CCSER1: variants seen among roughly 807,000 people sequenced by gnomAD.
CCSER1 encodes the protein serine-rich coiled-coil domain-containing protein 1.
Under a neutral mutation model 82.0 loss-of-function variants are expected in CCSER1, and 41 were observed. The ratio of observed to expected loss-of-function variants is 0.50; its 90% confidence interval spans 0.39 to 0.65. CCSER1 has a LOEUF of 0.65. CCSER1 is among the 30% of genes least tolerant of loss of function. The pLI, the probability that CCSER1 is intolerant of heterozygous loss-of-function variation, is 0.00. For missense variants in CCSER1, 1,119 were observed against 1,064.2 expected (o/e 1.05, Z -0.72); for synonymous variants, 414 against 383.9 (o/e 1.08, Z -0.92).
intron 5 of CCSER1, among the ~76,000 whole-genome samples, chr4:90,575,476 C>T (rs528747246): frequency 6.6e-6 from 1 of 152,342 alleles, no homozygotes; most frequent in African/African-American, 2.4e-5. Context: ...GGTCCCACTT[C>T]TCACACTGTT....
intron 10 of CCSER1, among the ~76,000 whole-genome samples, chr4:91,551,197 C>T (rs1424848800): frequency 6.6e-6 from 1 of 151,824 alleles, no homozygotes; most frequent in Non-Finnish European, 1.5e-5. Context: ...TCTTCAAATA[C>T]CTTTATATAT....
At chr4:90,880,201 C>T (rs1721088340) in intron 8 of CCSER1, among the ~76,000 whole-genome samples, 1 of 152,136 alleles carries the variant, frequency 6.6e-6, no homozygotes. Flanking sequence ...CCTGGGCTGC[C>T]CACTGTATCT....
intron 9 of CCSER1, among the ~76,000 whole-genome samples, chr4:91,047,997 C>T (rs188035143): frequency 6.1e-4 from 92 of 151,866 alleles, no homozygotes; most frequent in African/African-American, 1.4e-3. Context: ...AATTTATTGT[C>T]GTATAAACTC....
intron 7 of CCSER1, among the ~76,000 whole-genome samples, chr4:90,766,562 A>G (rs1751262573): frequency 6.6e-6 from 1 of 152,118 alleles, no homozygotes; most frequent in Non-Finnish European, 1.5e-5. Flanking sequence ...GAGAATTGCC[A>G]GAGCCCAGAA....
chr4:90,654,868 G>A (rs974709295), intron 6 of CCSER1, among the ~76,000 whole-genome samples: 3 of 152,012 alleles, frequency 2.0e-5, no homozygotes, highest in African/African-American at 7.2e-5. Context: ...TATTTTATAG[G>A]TGGGGTTAGA....
intron 3 of CCSER1, among the ~76,000 whole-genome samples, chr4:90,371,545 A>AG (rs912304403): frequency 1.6e-5 from 2 of 128,428 alleles, no homozygotes; most frequent in African/African-American, 6.4e-5. Context: ...AATAAGCCAA[A>AG]GAAAAAAAAC....
rs72475346 is a variant in CCSER1, at chr4:91,296,449, T to TTATATA, written c.2217+210467_2217+210472dup. 4.9e-4 allele frequency among the ~76,000 whole-genome samples: 46 copies of TTATATA among 94,088 alleles called. 1 individual carries two copies. The highest frequency in any genetic ancestry group is 3.8e-3 in the South Asian group (12 of 3,198). The allele number at this position is 94,088 out of a possible 152,430, so 61.7% of individuals were successfully genotyped here. A position where few individuals can be genotyped will look rare whatever the true frequency, so the allele number is the denominator to read the frequency against. On this transcript the variant is annotated intron_variant, in intron 10 of 10. Coordinates refer to ENST00000509176, the MANE Select transcript of CCSER1 (RefSeq NM_001145065.2). ...CTGGTGTAAACAGAAGTGTCTAACA[T>TTATATA]TATATATATATATATATGTATATAT...
At chr4:91,358,581 C>G (rs1749026823) in intron 10 of CCSER1, among the ~76,000 whole-genome samples, 1 of 152,066 alleles carries the variant, frequency 6.6e-6, no homozygotes, top group Non-Finnish European at 1.5e-5. Context: ...TCCAGCAATT[C>G]AAGTCAAGTC....
intron 5 of CCSER1, among the ~76,000 whole-genome samples, chr4:90,510,151 G>A (rs1434167732): frequency 6.6e-6 from 1 of 151,962 alleles, no homozygotes; most frequent in African/African-American, 2.4e-5. Context: ...TAAATGAAAT[G>A]GAATAAATAT....
chr4:91,500,739 A>G (rs1390806842), intron 10 of CCSER1, among the ~76,000 whole-genome samples: 2 of 152,038 alleles, frequency 1.3e-5, no homozygotes, highest in African/African-American at 2.4e-5. Context: ...AAATGTAGAT[A>G]ACAATAAAAC....
At chr4:90,136,403 AAT>A (rs1203828231) in intron 1 of CCSER1, among the ~76,000 whole-genome samples, 1 of 152,174 alleles carries the variant, frequency 6.6e-6, no homozygotes, top group Non-Finnish European at 1.5e-5. Context: ...GTACTACTCT[AAT>A]TCAGCCTTTA....
intron 7 of CCSER1, among the ~76,000 whole-genome samples, chr4:90,799,354 A>G (rs1580526224): frequency 6.6e-6 from 1 of 152,034 alleles, no homozygotes; most frequent in Admixed American, 6.5e-5. Flanking sequence ...AGGGTGGGGG[A>G]CAGACAGTCT....
chr4:90,805,084 A>ATAATT (rs59983706), intron 7 of CCSER1, among the ~76,000 whole-genome samples: 51,430 of 151,762 alleles, frequency 0.34, 8,862 homozygotes, highest in East Asian at 0.42. Flanking sequence ...CTGAACTATA[A>ATAATT]TAGAGTTTGT....
At chr4:91,205,552 T>A (rs960568839) in intron 10 of CCSER1, among the ~76,000 whole-genome samples, 1 of 151,728 alleles carries the variant, frequency 6.6e-6, no homozygotes, top group Non-Finnish European at 1.5e-5. Flanking sequence ...TCAGTTTTCT[T>A]CTTAAATTTT....
At chr4:90,745,848 C>G (rs1021442134) in intron 7 of CCSER1, among the ~76,000 whole-genome samples, 1 of 149,130 alleles carries the variant, frequency 6.7e-6, no homozygotes, top group Non-Finnish European at 1.5e-5. Context: ...CGCCACCACA[C>G]CCAGCTAAAT....
chr4:91,024,268 G>A (rs1740289374), intron 9 of CCSER1, among the ~76,000 whole-genome samples: 1 of 152,032 alleles, frequency 6.6e-6, no homozygotes, highest in Non-Finnish European at 1.5e-5. Context: ...CTGAAAGTAA[G>A]GTGTTTACAA....
chr4:90,836,587 C>A (rs1475580019), intron 8 of CCSER1, among the ~76,000 whole-genome samples: 1 of 152,262 alleles, frequency 6.6e-6, no homozygotes, highest in South Asian at 2.1e-4. Flanking sequence ...TTCACCTATA[C>A]CCATCCCTTC....
intron 1 of CCSER1, among the ~76,000 whole-genome samples, chr4:90,222,219 A>G (rs1057344403): frequency 6.6e-6 from 1 of 152,158 alleles, no homozygotes; most frequent in Non-Finnish European, 1.5e-5. Flanking sequence ...TCTTTCCTTA[A>G]GAAGATGTCT....
chr4:90,323,579 C>G (rs1737569411), intron 3 of CCSER1, among the ~76,000 whole-genome samples: 1 of 152,210 alleles, frequency 6.6e-6, no homozygotes, highest in Non-Finnish European at 1.5e-5. Flanking sequence ...CTCCCTCCCA[C>G]AAGCTCACAA....
Sources: allele counts gnomAD v4.1 joint callset (sites outside exome capture counted in the v4.1 genomes callset), GRCh38; gene constraint gnomAD v4.1.1; transcripts MANE v1.5; gene names NCBI Gene and HGNC (gene_info 2026-07-23, HGNC 2026-07-21).